The following ASAP1 variants were observed in gnomAD, a reference collection of about 807,000 sequenced individuals.
ASAP1 encodes ArfGAP with SH3 domain, ankyrin repeat and PH domain 1.
Under a neutral mutation model 145.2 loss-of-function variants are expected in ASAP1, and 43 were observed. The ratio of observed to expected loss-of-function variants is 0.30; its 90% CI spans 0.23 to 0.38. ASAP1 has a LOEUF of 0.38. Ranked by LOEUF, ASAP1 falls within the 10% of genes least tolerant of loss-of-function variation. The pLI, the probability that ASAP1 is intolerant of heterozygous loss-of-function variation, is 1.00. For synonymous variants in ASAP1, 546 were observed against 515.5 expected (o/e 1.06, Z -0.80); for missense variants, 1,018 against 1,355.3 (o/e 0.75, Z 3.91).
intron 27 of ASAP1, among the ~76,000 whole-genome samples, chr8:130,074,375 G>T (rs1286139324): frequency 1.3e-5 from 2 of 151,472 alleles, no homozygotes; most frequent in Middle Eastern, 6.8e-3. Context: ...GGAGGCTGCA[G>T]GATACTATTC....
intron 3 of ASAP1, among the ~76,000 whole-genome samples, chr8:130,283,020 C>T (rs1821346951): frequency 6.6e-6 from 1 of 152,128 alleles, no homozygotes; most frequent in Non-Finnish European, 1.5e-5. Flanking sequence ...TTCAAACAAG[C>T]CAGAAATCCA....
At chr8:130,269,910 C>A (rs1820488632) in intron 3 of ASAP1, among the ~76,000 whole-genome samples, 1 of 152,198 alleles carries the variant, frequency 6.6e-6, no homozygotes, top group East Asian at 1.9e-4. Context: ...TGGCTCACAC[C>A]TATTATCCCC....
At chr8:130,151,510 G>A (rs1391948177) in intron 13 of ASAP1, among the ~76,000 whole-genome samples, 1 of 151,418 alleles carries the variant, frequency 6.6e-6, no homozygotes, top group African/African-American at 2.4e-5. Context: ...TGGGTAGCTG[G>A]ACACAACTGG....
intron 1 of ASAP1, among the ~76,000 whole-genome samples, chr8:130,410,697 G>A (rs1168762007): frequency 6.6e-6 from 1 of 152,208 alleles, no homozygotes; most frequent in Non-Finnish European, 1.5e-5. Context: ...AGAGCCATCT[G>A]GGCAGCTGCC....
At chr8:130,225,057 C>T (rs1817512829) in intron 4 of ASAP1, among the ~76,000 whole-genome samples, 2 of 152,132 alleles carry the variant, frequency 1.3e-5, no homozygotes, top group South Asian at 4.1e-4. Context: ...TATAGTAAGC[C>T]TATCTTTTTG....
At chr8:130,343,038 A>G (rs910997491) in intron 3 of ASAP1, among the ~76,000 whole-genome samples, 2 of 152,346 alleles carry the variant, frequency 1.3e-5, no homozygotes, top group Middle Eastern at 3.4e-3. Context: ...CCTGTGACTT[A>G]GTCATGGGAG....
In ASAP1 at chr8:130,117,014, A is replaced by G; in HGVS notation, c.1881-19T>C. On this transcript the variant is annotated intron_variant, in intron 20 of 29. Transcript: ENST00000518721. Reference sequence around the variant, plus strand: ...GTTCCCACTGAAAAATTAGATGATGATTAGAAAAAAATGACTTACTTTATA... The same window carrying G: ...GTTCCCACTGAAAAATTAGATGATGGTTAGAAAAAAATGACTTACTTTATA... 1 of 1,560,638 alleles carries G rather than the reference A, an allele frequency of 6.4e-7. No homozygotes were observed. The highest frequency in any genetic ancestry group is 1.2e-5 in the South Asian group (1 of 85,886).
intron 16 of ASAP1, 140 bp from the exon 17 acceptor site, chr8:130,126,229 G>A (rs1412418145): frequency 3.6e-6 from 3 of 825,054 alleles, no homozygotes; most frequent in Middle Eastern, 2.9e-4. Flanking sequence ...GGACTCTTGA[G>A]GTTTAGCCTA....
At chr8:130,255,793 A>G (rs1418945972) in intron 3 of ASAP1, among the ~76,000 whole-genome samples, 1 of 152,192 alleles carries the variant, frequency 6.6e-6, no homozygotes, top group Non-Finnish European at 1.5e-5. Context: ...TTTGACTTCT[A>G]AAAAGATGGT....
At chr8:130,380,464 T>C (rs1266114739) in intron 2 of ASAP1, among the ~76,000 whole-genome samples, 1 of 151,844 alleles carries the variant, frequency 6.6e-6, no homozygotes, top group Admixed American at 6.6e-5. Flanking sequence ...GGGTGCAGGG[T>C]GCAGGGAACC....
chr8:130,288,062 C>T (rs1821725420), intron 3 of ASAP1, among the ~76,000 whole-genome samples: 1 of 152,206 alleles, frequency 6.6e-6, no homozygotes, highest in South Asian at 2.1e-4. Context: ...CTCCTGCATC[C>T]ATGCTGCGTG....
chr8:130,225,401 A>C (rs924308066), intron 4 of ASAP1, among the ~76,000 whole-genome samples: 2 of 152,232 alleles, frequency 1.3e-5, no homozygotes, highest in Non-Finnish European at 2.9e-5. Context: ...ATTTGTTTAT[A>C]TAGCACAGGA....
intron 4 of ASAP1, among the ~76,000 whole-genome samples, chr8:130,228,346 T>C (rs572082842): frequency 6.6e-6 from 1 of 152,164 alleles, no homozygotes; most frequent in Admixed American, 6.5e-5. Context: ...GACAAGATAA[T>C]GAGGGCCACA....
intron 3 of ASAP1, among the ~76,000 whole-genome samples, chr8:130,266,399 G>T (rs1005967681): frequency 6.6e-6 from 1 of 152,070 alleles, no homozygotes. Flanking sequence ...GTGGTTGTAG[G>T]GGGGAGGGTT....
chr8:130,364,540 T>C (rs1044604908), intron 2 of ASAP1, among the ~76,000 whole-genome samples: 13 of 152,220 alleles, frequency 8.5e-5, no homozygotes, highest in Non-Finnish European at 4.4e-5. Flanking sequence ...TGTTGGCTTA[T>C]CAAAGACAAT....
At chr8:130,243,915 AAAG>A (rs1214437309) in intron 3 of ASAP1, among the ~76,000 whole-genome samples, 1 of 152,176 alleles carries the variant, frequency 6.6e-6, no homozygotes, top group Admixed American at 6.5e-5. Context: ...GTAATCTCTC[AAAG>A]AAGGTGGTGC....
intron 25 of ASAP1, chr8:130,083,465 T>G (rs1329221099): frequency 6.6e-6 from 1 of 152,202 alleles, no homozygotes; most frequent in Non-Finnish European, 1.5e-5. Context: ...GTGCAGATTT[T>G]GGACCTAGAC....
intron 5 of ASAP1, among the ~76,000 whole-genome samples, chr8:130,192,572 G>A (rs1483859437): frequency 6.6e-6 from 1 of 152,114 alleles, no homozygotes; most frequent in Non-Finnish European, 1.5e-5. Flanking sequence ...TAGAAGTTTG[G>A]ATGGATGGTG....
intron 5 of ASAP1, among the ~76,000 whole-genome samples, chr8:130,189,606 C>T (rs554754567): frequency 2.6e-4 from 39 of 152,274 alleles, no homozygotes; most frequent in African/African-American, 8.4e-4. Flanking sequence ...AATAGTGCTC[C>T]GATGAACATG....
Sources: allele counts gnomAD v4.1 joint callset (sites outside exome capture counted in the v4.1 genomes callset), GRCh38; gene constraint gnomAD v4.1.1; transcripts MANE v1.5; gene names NCBI Gene and HGNC (gene_info 2026-07-23, HGNC 2026-07-21).